PSMG4: variants seen among roughly 807,000 people sequenced by gnomAD.
PSMG4 encodes proteasome (prosome, macropain) assembly chaperone 4.
A neutral mutation model predicts 11.0 loss-of-function variants in PSMG4; 10 were observed. The ratio of observed to expected loss-of-function variants is 0.91; its 90% CI spans 0.56 to 1.54. PSMG4 has a LOEUF of 1.54. PSMG4 is among the 40% of genes most tolerant of loss of function. The probability of loss-of-function intolerance (pLI) is 0.00; values close to 1 mark genes in which losing one functional copy is unlikely to be tolerated. For missense variants in PSMG4, 198 were observed against 160.9 expected (o/e 1.23, Z -1.25); for synonymous variants, 95 against 71.3 (o/e 1.33, Z -1.68).
At position 3,264,289 on chromosome 6, in the gene PSMG4, A is replaced by G. The variant is rs756156973; in HGVS notation, c.250+530A>G. The G allele has an allele frequency of 4.5e-6, 7 of 1,551,092 alleles. No individual in the cohort carries two copies. In the South Asian group the frequency reaches 8.3e-5, roughly 18 times the overall value. On this transcript the variant is annotated intron_variant, in intron 2 of 2. Transcript: ENST00000438998. ...CAAAGGTCATGAGGCTGAATGCTCCACTCTTCCCACACCCCAACACACTTC... is the reference window on the plus strand; with the variant it reads ...CAAAGGTCATGAGGCTGAATGCTCCGCTCTTCCCACACCCCAACACACTTC...
intron 2 of PSMG4, 145 bp downstream of exon 2, chr6:3,263,904 C>T (rs908667412): frequency 5.0e-5 from 72 of 1,444,732 alleles, no homozygotes; most frequent in South Asian, 2.4e-4. Flanking sequence ...GACCTTTGCA[C>T]GTTGGGTCTT....
At position 3,267,976 on chromosome 6, in the gene PSMG4, GTAATC is replaced by G. The variant is rs1475177039; in HGVS notation, c.*268_*272del. The stretch of plus-strand genomic sequence containing the variant: ...GGGATTTTTGTTGGGATTGAAGACT[GTAATC>G]TAAGAGTTTCAATCAGACATGACTG... On this transcript the variant is annotated 3_prime_UTR_variant, in exon 3 of 3. Transcript: ENST00000438998. 2 of 318,750 alleles carry G rather than the reference GTAATC, an allele frequency of 6.3e-6. No individual in the cohort carries two copies. The highest frequency in any genetic ancestry group is 1.2e-5 in the Non-Finnish European group (2 of 169,408). 19.7% of individuals were successfully genotyped at this position (318,750 alleles called of 1,614,324 possible).
chr6:3,263,286 C>T (rs971542438), intron 1 of PSMG4, among the ~76,000 whole-genome samples: 4 of 152,230 alleles, frequency 2.6e-5, no homozygotes, highest in Non-Finnish European at 4.4e-5. Flanking sequence ...CTGTGGGGCA[C>T]GAGGCACCAG....
Position 3,267,983 on chromosome 6 carries a change from AAG to A in PSMG4, c.*274_*275del. ...TTGTTGGGATTGAAGACTGTAATCT[AAG>A]AGTTTCAATCAGACATGACTGTGAC... On this transcript the variant is annotated 3_prime_UTR_variant, in exon 3 of 3. Coordinates refer to ENST00000438998, the MANE Select transcript of PSMG4 (RefSeq NM_001128591.2). 3.2e-6 allele frequency: 1 copy of A among 308,732 alleles called. No homozygotes were observed. The highest frequency in any genetic ancestry group is 6.2e-6 in the Non-Finnish European group (1 of 162,560). The allele number at this position is 308,732 out of a possible 1,614,324, so 19.1% of individuals were successfully genotyped here.
At position 3,268,026 on chromosome 6, in the gene PSMG4, GAATTAAAGTGATGTATA is replaced by G; in HGVS notation, c.*318_*334del. ...TGACTGTGACGTGCATCCTCAATTA[GAATTAAAGTGATGTATA>G]AATATGCTTTAGATTTGTGTGTGCA... is the stretch of plus-strand genomic sequence containing the variant. On this transcript the variant is annotated 3_prime_UTR_variant, in exon 3 of 3. Transcript: ENST00000438998. The G allele has an allele frequency of 4.5e-6, 1 of 222,236 alleles. No homozygotes were observed. Among genetic ancestry groups the G allele is most frequent in the South Asian group, 8.0e-5 (1 of 12,436 alleles). The allele number at this position is 222,236 out of a possible 1,614,324, so 13.8% of individuals were successfully genotyped here.
Position 3,259,029 on chromosome 6 carries a change from G to A in PSMG4, c.7G>A (p.Gly3Arg). Reference sequence around the variant, plus strand: ...CCGGGAGCCGTGGGGCGGCATGGAGGGGCTGGTTGTCGCCGCCGGCGGGGA... The same window carrying A: ...CCGGGAGCCGTGGGGCGGCATGGAGAGGCTGGTTGTCGCCGCCGGCGGGGA... ME[G>R]LVVAAGGDVS... is the part of the protein sequence containing the mutation. Residue 3 changes from glycine (G) to arginine (R), a missense_variant, in exon 1 of 3, where the codon GGG becomes AGG. Gly to Arg is a moderately radical substitution (Grantham distance 125). Transcript: ENST00000438998. 2 of 1,248,578 alleles carry A rather than the reference G, an allele frequency of 1.6e-6. No individual in the cohort carries two copies. The highest frequency in any genetic ancestry group is 2.0e-6 in the Non-Finnish European group (2 of 995,506). The allele number at this position is 1,248,578 out of a possible 1,614,324, so 77.3% of individuals were successfully genotyped here.
upstream of PSMG4, chr6:3,255,201 T>G: frequency 6.4e-7 from 1 of 1,550,440 alleles, no homozygotes; most frequent in Non-Finnish European, 8.7e-7. Context: ...GTAGGATGTT[T>G]GGTGGCAGCA....
At chr6:3,254,638 G>T (rs1455000879), upstream of PSMG4, among the ~76,000 whole-genome samples, 1 of 152,172 alleles carries the variant, frequency 6.6e-6, no homozygotes, top group Non-Finnish European at 1.5e-5. Context: ...AACACTGATT[G>T]TGAAGGCCTA....
At chr6:3,266,737 A>ACACC (rs1321902201) in intron 2 of PSMG4, 1 of 152,116 alleles carries the variant, frequency 6.6e-6, no homozygotes, top group African/African-American at 2.4e-5. Context: ...CTGTGCACAC[A>ACACC]CACACAAATA....
At chr6:3,261,883 T>C (rs1223744097) in intron 1 of PSMG4, among the ~76,000 whole-genome samples, 2 of 152,190 alleles carry the variant, frequency 1.3e-5, no homozygotes, top group Non-Finnish European at 2.9e-5. Context: ...TTGTAATCCA[T>C]AAAGCCTGAA....
upstream of PSMG4, among the ~76,000 whole-genome samples, chr6:3,257,573 A>G (rs1307030418): frequency 6.6e-6 from 1 of 152,202 alleles, no homozygotes; most frequent in African/African-American, 2.4e-5. Flanking sequence ...AGTAATACAA[A>G]GACACAAGCC....
chr6:3,267,844 C>A lies in PSMG4; in HGVS notation c.*132C>A. The stretch of plus-strand genomic sequence containing the variant: ...GGGTTAATCTTTTGAGCTTCCTTCT[C>A]AGCAGTGTGTGGGCCAAAAGGCTCA... On this transcript the variant is annotated 3_prime_UTR_variant, in exon 3 of 3. Coordinates refer to ENST00000438998, the MANE Select transcript of PSMG4 (RefSeq NM_001128591.2). 1 of 965,634 alleles carries A rather than the reference C, an allele frequency of 1.0e-6. No homozygotes were observed. The highest frequency in any genetic ancestry group is 1.5e-6 in the Non-Finnish European group (1 of 663,370). The allele number at this position is 965,634 out of a possible 1,614,324, so 59.8% of individuals were successfully genotyped here.
chr6:3,255,672 T>G (rs12206593), upstream of PSMG4, among the ~76,000 whole-genome samples: 11 of 152,158 alleles, frequency 7.2e-5, no homozygotes, highest in African/African-American at 2.7e-4. Context: ...CCTTAAGTGA[T>G]TTGTATGAGA....
At chr6:3,255,651 G>A (rs9501960), upstream of PSMG4, among the ~76,000 whole-genome samples, 1 of 152,010 alleles carries the variant, frequency 6.6e-6, no homozygotes, top group Non-Finnish European at 1.5e-5. Context: ...ACAGACAAAC[G>A]AGTCCGAGAG....
intron 1 of PSMG4, among the ~76,000 whole-genome samples, chr6:3,260,964 C>A (rs1757968952): frequency 6.6e-6 from 1 of 152,210 alleles, no homozygotes; most frequent in Non-Finnish European, 1.5e-5. Context: ...CTCTCTCAGC[C>A]GTTGAGTGTT....
chr6:3,265,734 G>A lies in PSMG4; in HGVS notation c.251-1857G>A, dbSNP rs539936286. ...AAGGATGAGGTTGGTCCCTAATGGT[G>A]GGGGAAGCCTAAGAGGCTTCCTCAC... On this transcript the variant is annotated intron_variant, in intron 2 of 2. Transcript: ENST00000438998. The A allele has an allele frequency of 2.0e-5, 3 of 152,264 alleles. No individual in the cohort carries two copies. In the South Asian group the frequency reaches 6.2e-4, roughly 32 times the overall value. 9.4% of individuals were successfully genotyped at this position (152,264 alleles called of 1,614,324 possible).
chr6:3,254,445 T>C (rs1231077369), upstream of PSMG4, among the ~76,000 whole-genome samples: 2 of 69,174 alleles, frequency 2.9e-5, no homozygotes, highest in Non-Finnish European at 9.5e-5. Flanking sequence ...CTGTAATAGT[T>C]TTCTGCTTTT....
chr6:3,263,924 G>A (rs1414904490), intron 2 of PSMG4, 165 bp downstream of exon 2: 3 of 1,421,480 alleles, frequency 2.1e-6, no homozygotes, highest in African/African-American at 1.4e-5. Flanking sequence ...TATTTAAGGG[G>A]CACATTCCAT....
intron 2 of PSMG4, chr6:3,265,141 C>T (rs1758134300): frequency 6.6e-6 from 1 of 152,192 alleles, no homozygotes. Flanking sequence ...AGTATCTCGA[C>T]TGTCTCAACA....
Sources: allele counts gnomAD v4.1 joint callset (sites outside exome capture counted in the v4.1 genomes callset), GRCh38; gene constraint gnomAD v4.1.1; transcripts MANE v1.5; gene names NCBI Gene and HGNC (gene_info 2026-07-23, HGNC 2026-07-21).